The following SIMC1 variants were observed in gnomAD, a reference collection of about 807,000 sequenced individuals.
The protein encoded by SIMC1 is SUMO interacting motifs containing 1, also known as SUMO-interacting motif-containing protein 1.
A neutral mutation model predicts 82.3 loss-of-function variants in SIMC1; 55 were observed. The observed-to-expected ratio is 0.67, with a 90% CI of 0.54 to 0.84. The LOEUF is 0.84. Ranked by LOEUF, SIMC1 falls within the 40% of genes least tolerant of loss-of-function variation. The pLI is 0.00. For synonymous variants in SIMC1, 353 were observed against 426.3 expected, an observed-to-expected ratio of 0.83 and a Z score of 2.12; for missense variants, 915 against 1,107.2, an observed-to-expected ratio of 0.83 and a Z score of 2.46.
At chr5:176,265,559 G>A (rs1002642245) in intron 1 of SIMC1, among the ~76,000 whole-genome samples, 6 of 152,080 alleles carry the variant, frequency 3.9e-5, no homozygotes, top group African/African-American at 1.4e-4. Context: ...TCTAAAATGT[G>A]AATAACATTC....
chr5:176,269,482 A>G (rs1762336753), intron 1 of SIMC1, among the ~76,000 whole-genome samples: 1 of 152,266 alleles, frequency 6.6e-6, no homozygotes, highest in South Asian at 2.1e-4. Context: ...CAGATAAAAT[A>G]TTAATAGCCC....
intron 1 of SIMC1, among the ~76,000 whole-genome samples, chr5:176,282,190 G>A (rs1763042125): frequency 6.6e-6 from 1 of 152,252 alleles, no homozygotes; most frequent in Non-Finnish European, 1.5e-5. Context: ...TCAGACTGCT[G>A]TGCTAGCAAT....
At chr5:176,327,475 C>T (rs1765445498) in intron 7 of SIMC1, among the ~76,000 whole-genome samples, 1 of 152,166 alleles carries the variant, frequency 6.6e-6, no homozygotes, top group Non-Finnish European at 1.5e-5. Context: ...TTAACTTATT[C>T]TAGTAGGATT....
chr5:176,284,133 A>G (rs2113233697), intron 1 of SIMC1, among the ~76,000 whole-genome samples: 1 of 152,334 alleles, frequency 6.6e-6, no homozygotes, highest in East Asian at 1.9e-4. Context: ...GAAAGTCAAC[A>G]AAGATATCCA....
chr5:176,307,617 G>A lies in SIMC1; in HGVS notation c.1735-6074G>A, dbSNP rs559437172. 2.6e-5 allele frequency among the ~76,000 whole-genome samples: 4 copies of A among 152,238 alleles called. No homozygotes were observed. The East Asian group carries it at 7.7e-4, about 29-fold the overall frequency. On this transcript the variant is annotated intron_variant, in intron 4 of 9. Coordinates refer to ENST00000429602, the MANE Select transcript of SIMC1 (RefSeq NM_001308195.2). ...GGGTTTCACTGTGTTAGCCAGGATG[G>A]TCGTGATCTCCTGACCTCATGATCC...
chr5:176,312,672 A>G (rs1764717426), intron 4 of SIMC1, among the ~76,000 whole-genome samples: 1 of 152,196 alleles, frequency 6.6e-6, no homozygotes, highest in African/African-American at 2.4e-5. Flanking sequence ...CCCAAAAAAG[A>G]AAGAAATGAT....
At chr5:176,336,417 C>A (rs956977506) in intron 7 of SIMC1, among the ~76,000 whole-genome samples, 1 of 152,178 alleles carries the variant, frequency 6.6e-6, no homozygotes, top group Non-Finnish European at 1.5e-5. Context: ...TTTGGCACAT[C>A]ATTGGCATTC....
chr5:176,281,037 G>T (rs2113221907), intron 1 of SIMC1, among the ~76,000 whole-genome samples: 1 of 152,294 alleles, frequency 6.6e-6, no homozygotes, highest in South Asian at 2.1e-4. Context: ...TTCCAACTTG[G>T]TTCCATTCTC....
At chr5:176,257,002 C>T (rs1187142302) in intron 1 of SIMC1, among the ~76,000 whole-genome samples, 2 of 152,192 alleles carry the variant, frequency 1.3e-5, no homozygotes, top group Non-Finnish European at 2.9e-5. Context: ...AGTGGTCCTA[C>T]CACATTGGCC....
At chr5:176,271,319 C>T (rs1364139352) in intron 1 of SIMC1, among the ~76,000 whole-genome samples, 1 of 152,044 alleles carries the variant, frequency 6.6e-6, no homozygotes, top group African/African-American at 2.4e-5. Flanking sequence ...AAGATCTCGC[C>T]ACTGCGCTCC....
At position 176,280,167 on chromosome 5, in the gene SIMC1, G is replaced by C. The variant is rs891079439; in HGVS notation, c.130-9487G>C. The stretch of plus-strand genomic sequence containing the variant: ...ATGAATCTGGGTGCTCCTGTATTGG[G>C]TGTATATATATTTAGGATAGTTAGG... On this transcript the variant is annotated intron_variant, in intron 1 of 9. Transcript: ENST00000429602. Among the ~76,000 whole-genome samples, 17 of 152,136 alleles carry C rather than the reference G, an allele frequency of 1.1e-4. 1 individual carries two copies. The highest frequency in any genetic ancestry group is 8.5e-4 in the Admixed American group (13 of 15,272).
At chr5:176,325,800 G>A (rs1247631647) in intron 7 of SIMC1, among the ~76,000 whole-genome samples, 1 of 152,108 alleles carries the variant, frequency 6.6e-6, no homozygotes, top group Non-Finnish European at 1.5e-5. Context: ...TGGCATAAGT[G>A]TTCACTAAAG....
chr5:176,277,413 A>T (rs1388272202), intron 1 of SIMC1, among the ~76,000 whole-genome samples: 1 of 151,644 alleles, frequency 6.6e-6, no homozygotes, highest in African/African-American at 2.4e-5. Context: ...GTTCACTCTG[A>T]TGGTAGTTTC....
In SIMC1 at chr5:176,282,416, C is replaced by T. The variant is rs181037856; in HGVS notation, c.130-7238C>T. Among the ~76,000 whole-genome samples the T allele has an allele frequency of 8.9e-3, 1,354 of 152,328 alleles. 20 individuals are homozygous for T. Among genetic ancestry groups the T allele is most frequent in the African/African-American group, 0.031 (1,279 of 41,568 alleles). ...GGCAATGCCTCGCCCTGCTTCGGCT[C>T]GCGCATGGTGCGCTGCACCCACTGA... On this transcript the variant is annotated intron_variant, in intron 1 of 9. Transcript: ENST00000429602.
intron 1 of SIMC1, among the ~76,000 whole-genome samples, chr5:176,285,851 A>G (rs554493657): frequency 1.3e-5 from 2 of 152,338 alleles, no homozygotes; most frequent in Non-Finnish European, 2.9e-5. Flanking sequence ...AATAACAGAC[A>G]GAGAGCCAAA....
chr5:176,245,485 G>C (rs1469649190), intron 1 of SIMC1, among the ~76,000 whole-genome samples: 2 of 152,126 alleles, frequency 1.3e-5, no homozygotes, highest in Non-Finnish European at 2.9e-5. Context: ...CTAGTTTCTG[G>C]TAATTTTTAC....
Position 176,305,755 on chromosome 5 carries a change from T to TG in SIMC1, c.1735-7935dup, listed in dbSNP as rs1561711044. Among the ~76,000 whole-genome samples the TG allele has an allele frequency of 3.1e-4, 13 of 41,668 alleles. 1 individual carries two copies. The highest frequency in any genetic ancestry group is 5.3e-4 in the Non-Finnish European group (11 of 20,884). The allele number at this position is 41,668 out of a possible 152,430, so 27.3% of individuals were successfully genotyped here. A position where few individuals can be genotyped will look rare whatever the true frequency, so the allele number is the denominator to read the frequency against. On this transcript the variant is annotated intron_variant, in intron 4 of 9. Transcript: ENST00000429602. ...CCAGCCGCCCCGTCCGGGAGGGAGG[T>TG]GAGGGGGTCAGCCCCCCACCCGGCC... is the stretch of plus-strand genomic sequence containing the variant.
At chr5:176,314,702 G>C (rs150700166) in intron 5 of SIMC1, among the ~76,000 whole-genome samples, 270 of 152,276 alleles carry the variant, frequency 1.8e-3, no homozygotes, top group Middle Eastern at 0.01. Flanking sequence ...GATCTTTAGG[G>C]TAGGGGATTG....
At position 176,290,846 on chromosome 5, in the gene SIMC1, A is replaced by G. The variant is rs1242811801; in HGVS notation, c.1322A>G (p.Gln441Arg). The G allele has an allele frequency of 1.2e-6, 2 of 1,613,650 alleles. No homozygotes were observed. The highest frequency in any genetic ancestry group is 1.7e-5 in the Admixed American group (1 of 60,006). Reference protein sequence around the residue: ...GSAHVQSRTPQGGLYNRPCLH... With the variant: ...GSAHVQSRTPRGGLYNRPCLH... ...GCCCACGTACAATCACGAACACCACAAGGTGGGTTGTACAACAGACCATGC... is the reference window on the plus strand; with the variant it reads ...GCCCACGTACAATCACGAACACCACGAGGTGGGTTGTACAACAGACCATGC... Residue 441 changes from glutamine (Q) to arginine (R), a missense_variant, in exon 2 of 10, where the codon CAA becomes CGA. By Grantham distance (43) the Gln-to-Arg change is conservative. Coordinates refer to ENST00000429602, the MANE Select transcript of SIMC1 (RefSeq NM_001308195.2).
Sources: allele counts gnomAD v4.1 joint callset (sites outside exome capture counted in the v4.1 genomes callset), GRCh38; gene constraint gnomAD v4.1.1; transcripts MANE v1.5; gene names NCBI Gene and HGNC (gene_info 2026-07-23, HGNC 2026-07-21).